The following CBLN4 variants were observed in gnomAD, a reference collection of about 807,000 sequenced individuals.
CBLN4 encodes cerebellin 4 precursor, also known as cerebellin-4.
A neutral mutation model predicts 14.9 loss-of-function variants in CBLN4; 7 were observed. That is an observed-to-expected ratio of 0.47 (90% CI 0.27 to 0.88). The LOEUF is 0.88. CBLN4 is among the 40% of genes least tolerant of loss of function. CBLN4 has a pLI of 0.14. For synonymous variants in CBLN4, 131 were observed against 116.5 expected, an observed-to-expected ratio of 1.12 and a Z score of -0.80; for missense variants, 188 against 256.8, an observed-to-expected ratio of 0.73 and a Z score of 1.83.
At chr20:56,003,227 C>A (rs993999612) in intron 1 of CBLN4, among the ~76,000 whole-genome samples, 12 of 152,162 alleles carry the variant, frequency 7.9e-5, no homozygotes, top group African/African-American at 2.7e-4. Flanking sequence ...CTTTTCCTCC[C>A]CTCCTCCGCA....
In CBLN4 at chr20:56,004,166, G is replaced by A. The variant is rs757518608; in HGVS notation, c.6C>T (p.Gly2=). Residue 2 remains glycine, a synonymous_variant, in exon 1 of 3, where the codon GGC becomes GGT. Transcript: ENST00000064571. This position sits in a 1 kb window ranked among gnomAD's most constrained non-coding sequence, Gnocchi z 6.1. ...CCGCGGACAGCGCCCGGCGCCCGGA[G>A]CCCATGGTGAGCCGTGTGGGCAGCC... M[G]SGRRALSAVP... The A allele has an allele frequency of 3.9e-5, 59 of 1,525,524 alleles. No homozygotes were observed. In the African/African-American group the frequency reaches 6.4e-4, roughly 16 times the overall value. 94.5% of individuals were successfully genotyped at this position (1,525,524 alleles called of 1,614,324 possible).
At position 56,004,403 on chromosome 20, in the gene CBLN4, C is replaced by A. The variant is rs6014573; in HGVS notation, c.-232G>T. ...TTTGTCCTTTAAGGAGCTCATGCAG[C>A]ACCCTTTACCCTACTCTCCTCCGCC... On this transcript the variant is annotated 5_prime_UTR_variant, in exon 1 of 3. Transcript: ENST00000064571. The surrounding 1 kb of genome is among the most constrained non-coding windows in gnomAD (Gnocchi z 6.1). 140,025 of 469,716 alleles carry A rather than the reference C, an allele frequency of 0.3. 28,780 individuals are homozygous for A. Among genetic ancestry groups the A allele is most frequent in the African/African-American group, 0.77 (37,605 of 48,532 alleles). 29.1% of individuals were successfully genotyped at this position (469,716 alleles called of 1,614,324 possible).
intron 1 of CBLN4, among the ~76,000 whole-genome samples, chr20:56,003,051 C>T (rs926088286): frequency 6.6e-6 from 1 of 152,226 alleles, no homozygotes; most frequent in Non-Finnish European, 1.5e-5. Context: ...AGCACCAGGT[C>T]GCTAAACAGC....
In CBLN4 at chr20:56,001,507, A is replaced by AT. The variant is rs752544696; in HGVS notation, c.292-661dup. The stretch of plus-strand genomic sequence containing the variant: ...CACCCCTCTCCTAAGATCTGTTACC[A>AT]TTTTTTTTTTCATTCCTGTGCCAGC... On this transcript the variant is annotated intron_variant, in intron 1 of 2. Transcript: ENST00000064571. Among the ~76,000 whole-genome samples the AT allele has an allele frequency of 1.0e-2, 1,480 of 148,266 alleles. 18 individuals are homozygous for AT. The highest frequency in any genetic ancestry group is 0.031 in the African/African-American group (1,258 of 40,444).
At position 56,003,980 on chromosome 20, in the gene CBLN4, GA is replaced by G. The variant is rs1568834525; in HGVS notation, c.191del (p.Val64AlafsTer23). 1 of 1,614,020 alleles carries G rather than the reference GA, an allele frequency of 6.2e-7. No homozygotes were observed. The highest frequency in any genetic ancestry group is 2.2e-5 in the East Asian group (1 of 44,850). On this transcript the variant is annotated frameshift_variant, in exon 1 of 3. Coordinates refer to ENST00000064571, the MANE Select transcript of CBLN4 (RefSeq NM_080617.6). LOFTEE classifies it high-confidence loss of function. ...GSSSSPLGIS[V>X]RAANSKVAFS... Reference sequence around the variant, plus strand: ...AGGCGACCTTGGAGTTGGCCGCCCGGACCGATATCCCCAGCGGGGAGGAAGA... The same window carrying G: ...AGGCGACCTTGGAGTTGGCCGCCCGGCCGATATCCCCAGCGGGGAGGAAGA...
intron 2 of CBLN4, among the ~76,000 whole-genome samples, chr20:55,999,940 A>G (rs1167613364): frequency 1.3e-5 from 2 of 152,264 alleles, no homozygotes; most frequent in Non-Finnish European, 2.9e-5. Flanking sequence ...TTACTAGGAC[A>G]TGTAAAAGTA....
At chr20:55,998,828 T>C (rs915865815) in intron 2 of CBLN4, 74 bp from the exon 3 acceptor site, 2 of 1,131,806 alleles carry the variant, frequency 1.8e-6, no homozygotes, top group African/African-American at 3.1e-5. Context: ...GAATAAATAA[T>C]GTCTAAGATG....
In CBLN4 at chr20:56,001,790, C is replaced by T. The variant is rs182121564; in HGVS notation, c.292-943G>A. On this transcript the variant is annotated intron_variant, in intron 1 of 2. Coordinates refer to ENST00000064571, the MANE Select transcript of CBLN4 (RefSeq NM_080617.6). ...CTAGTTCTATTGGTTATAAAATTAA[C>T]TCTAAATTTTAATAAGTGACCTCTT... Among the ~76,000 whole-genome samples the T allele has an allele frequency of 2.0e-5, 3 of 152,180 alleles. No individual in the cohort carries two copies. In the East Asian group the frequency reaches 5.8e-4, roughly 29 times the overall value.
Position 56,005,271 on chromosome 20 carries a change from C to G in CBLN4, c.-1100G>C, listed in dbSNP as rs902261036. On this transcript the variant is annotated 5_prime_UTR_variant, in exon 1 of 3. Transcript: ENST00000064571. ...AGCTCCGCGCCCACTCTCTCCTGCT[C>G]GATCTGAGTCCGCAGAGGAGGCGGC... 1 of 152,350 alleles carries G rather than the reference C, an allele frequency of 6.6e-6. No individual in the cohort carries two copies. The highest frequency in any genetic ancestry group is 2.4e-5 in the African/African-American group (1 of 41,470). The allele number at this position is 152,350 out of a possible 1,614,324, so 9.4% of individuals were successfully genotyped here.
chr20:56,000,552 C>T (rs1346575932), intron 2 of CBLN4, among the ~76,000 whole-genome samples, 179 bp downstream of exon 2: 1 of 151,948 alleles, frequency 6.6e-6, no homozygotes, highest in Admixed American at 6.5e-5. Flanking sequence ...CTTTTTGTCA[C>T]GTCTTAATGG....
At chr20:56,000,272 T>C (rs1297319448) in intron 2 of CBLN4, among the ~76,000 whole-genome samples, 1 of 152,248 alleles carries the variant, frequency 6.6e-6, no homozygotes, top group Non-Finnish European at 1.5e-5. Flanking sequence ...GAATAGTTCC[T>C]CCTTCATAGA....
chr20:56,004,266 G>A lies in CBLN4; in HGVS notation c.-95C>T, dbSNP rs1986427429. ...CCCGGTGCTCGGGAAGATGCTAGCG[G>A]CTAGGTCGACAGCGCTGCAGGAGCG... On this transcript the variant is annotated 5_prime_UTR_variant, in exon 1 of 3. Coordinates refer to ENST00000064571, the MANE Select transcript of CBLN4 (RefSeq NM_080617.6). This position sits in a 1 kb window ranked among gnomAD's most constrained non-coding sequence, Gnocchi z 6.1. 2 of 1,268,492 alleles carry A rather than the reference G, an allele frequency of 1.6e-6. No individual in the cohort carries two copies. The highest frequency in any genetic ancestry group is 3.8e-5 in the Admixed American group (1 of 26,436). The allele number at this position is 1,268,492 out of a possible 1,614,324, so 78.6% of individuals were successfully genotyped here. A position where few individuals can be genotyped will look rare whatever the true frequency, so the allele number is the denominator to read the frequency against.
At chr20:56,002,641 G>A (rs181468740) in intron 1 of CBLN4, among the ~76,000 whole-genome samples, 2 of 152,168 alleles carry the variant, frequency 1.3e-5, no homozygotes, top group South Asian at 2.1e-4. Flanking sequence ...TACAAACTAG[G>A]GGTGGTGCTA....
In CBLN4 at chr20:56,004,276, C is replaced by A. The variant is rs1379255707; in HGVS notation, c.-105G>T. ...GGGAAGATGCTAGCGGCTAGGTCGACAGCGCTGCAGGAGCGACGGCGGCGG... is the reference window on the plus strand; with the variant it reads ...GGGAAGATGCTAGCGGCTAGGTCGAAAGCGCTGCAGGAGCGACGGCGGCGG... On this transcript the variant is annotated 5_prime_UTR_variant, in exon 1 of 3. Coordinates refer to ENST00000064571, the MANE Select transcript of CBLN4 (RefSeq NM_080617.6). This position sits in a 1 kb window ranked among gnomAD's most constrained non-coding sequence, Gnocchi z 6.1. 4 of 1,196,674 alleles carry A rather than the reference C, an allele frequency of 3.3e-6. No individual in the cohort carries two copies. Among genetic ancestry groups the A allele is most frequent in the Middle Eastern group, 6.0e-4 (2 of 3,342 alleles). The allele number at this position is 1,196,674 out of a possible 1,614,324, so 74.1% of individuals were successfully genotyped here.
At chr20:56,003,837 G>A (rs753690524) in intron 1 of CBLN4, 44 bp downstream of exon 1, 2 of 1,551,324 alleles carry the variant, frequency 1.3e-6, no homozygotes, top group African/African-American at 2.7e-5. Context: ...GAGGTGCCTG[G>A]AGACCGCCCA....
At position 56,002,246 on chromosome 20, in the gene CBLN4, T is replaced by G. The variant is rs560415585; in HGVS notation, c.292-1399A>C. Among the ~76,000 whole-genome samples the G allele has an allele frequency of 2.0e-5, 3 of 152,350 alleles. No homozygotes were observed. In the South Asian group the frequency reaches 6.2e-4, roughly 32 times the overall value. ...TTGTAACCTGATGATAGATGGTCTT[T>G]CAACAAGTCACCAGCTGTGCAATAA... On this transcript the variant is annotated intron_variant, in intron 1 of 2. Coordinates refer to ENST00000064571, the MANE Select transcript of CBLN4 (RefSeq NM_080617.6).
intron 2 of CBLN4, among the ~76,000 whole-genome samples, chr20:56,000,279 TAG>T (rs1474532517): frequency 6.6e-6 from 1 of 152,132 alleles, no homozygotes; most frequent in East Asian, 1.9e-4. Context: ...TCCTCCTTCA[TAG>T]ACTTATTCTT....
Position 56,003,887 on chromosome 20 carries a change from G to C in CBLN4, c.285C>G (p.Phe95Leu), listed in dbSNP as rs760592630. Residue 95 changes from phenylalanine to leucine, a missense_variant, in exon 1 of 3, where the codon TTC (phenylalanine) becomes TTG (leucine). Physicochemically the swap from Phe to Leu is conservative, Grantham distance 22. Around this residue, in one of 2 missense-constraint regions of CBLN4, gnomAD observed 93 missense variants for 157.7 expected, o/e 0.59. Transcript: ENST00000064571. ...GCTTCCCCCCGGGTCTGACCTGATC[G>C]AAGTAAATGATGCGCGTCTTGTTGC... ...EMSNKTRIIY[F>L]DQILVNVGNF... The C allele has an allele frequency of 3.1e-6, 5 of 1,609,534 alleles. No individual in the cohort carries two copies. The highest frequency in any genetic ancestry group is 4.2e-6 in the Non-Finnish European group (5 of 1,177,694).
rs1196879922 is a variant in CBLN4 at position 56,004,402 on chromosome 20, G to T, written c.-231C>A. 4.2e-6 allele frequency: 2 copies of T among 479,718 alleles called. No homozygotes were observed. The highest frequency in any genetic ancestry group is 7.2e-6 in the Non-Finnish European group (2 of 279,100). 29.7% of individuals were successfully genotyped at this position (479,718 alleles called of 1,614,324 possible). On this transcript the variant is annotated 5_prime_UTR_variant, in exon 1 of 3. The change creates a new upstream start codon in the 5' untranslated region. Coordinates refer to ENST00000064571, the MANE Select transcript of CBLN4 (RefSeq NM_080617.6). The surrounding 1 kb of genome is among the most constrained non-coding windows in gnomAD (Gnocchi z 6.1). ...CTTTGTCCTTTAAGGAGCTCATGCA[G>T]CACCCTTTACCCTACTCTCCTCCGC...
Sources: gnomAD v4.1 joint callset for allele counts (sites outside exome capture counted in the v4.1 genomes callset) on GRCh38, gnomAD v4.1.1 for gene constraint, gnomAD v4.1.1 regional missense constraint, Gnocchi (gnomAD v3.1) non-coding constraint, MANE v1.5 for transcripts, NCBI Gene and HGNC (gene_info 2026-07-23, HGNC 2026-07-21) for gene names.